FAM131B: variants seen among roughly 807,000 people sequenced by gnomAD.
FAM131B encodes protein FAM131B.
FAM131B carries 19 observed loss-of-function variants against 42.0 expected under a neutral mutation model. The observed-to-expected ratio is 0.45, with a 90% CI of 0.32 to 0.66. FAM131B has a LOEUF of 0.66. FAM131B is among the 30% of genes least tolerant of loss of function. The probability of loss-of-function intolerance (pLI) is 0.05; values close to 1 mark genes in which losing one functional copy is unlikely to be tolerated. For missense variants in FAM131B, 370 were observed against 468.4 expected, an observed-to-expected ratio of 0.79 and a Z score of 1.94; for synonymous variants, 183 against 177.6, an observed-to-expected ratio of 1.03 and a Z score of -0.24.
chr7:143,356,767 G>T lies in FAM131B; in HGVS notation c.866C>A (p.Pro289Gln), dbSNP rs200621437. Residue 289 changes from proline (P) to glutamine (Q), a missense_variant, in exon 7 of 7, where the codon CCG (proline) becomes CAG (glutamine). Pro to Gln is a moderately conservative substitution (Grantham distance 76). Coordinates refer to ENST00000443739, the MANE Select transcript of FAM131B (RefSeq NM_001031690.3). The surrounding 1 kb of genome is among the most constrained non-coding windows in gnomAD (Gnocchi z 4.4). ...PLLGGDTDWAPGVGAVDLARG... is the reference protein window; with the variant it reads ...PLLGGDTDWAQGVGAVDLARG... ...TGCCAGGTCCACTGCGCCTACCCCC[G>T]GAGCCCAGTCAGTGTCTCCCCCCAG... The T allele has an allele frequency of 6.2e-7, 1 of 1,614,088 alleles. No individual in the cohort carries two copies. The highest frequency in any genetic ancestry group is 1.1e-5 in the South Asian group (1 of 91,070).
chr7:143,362,670 C>A lies in FAM131B; in HGVS notation c.-67G>T. On this transcript the variant is annotated 5_prime_UTR_variant, in exon 1 of 7. Transcript: ENST00000443739. The surrounding 1 kb of genome is among the most constrained non-coding windows in gnomAD (Gnocchi z 7.7). ...CGCGCGCCGGGGGGAGCACCGGGAGCCGCGCCGCCGCCCCAGCCGCTCTGC... is the reference window on the plus strand; with the variant it reads ...CGCGCGCCGGGGGGAGCACCGGGAGACGCGCCGCCGCCCCAGCCGCTCTGC... 1.1e-6 allele frequency: 1 copy of A among 897,876 alleles called. No individual in the cohort carries two copies. The allele number at this position is 897,876 out of a possible 1,614,324, so 55.6% of individuals were successfully genotyped here.
the FAM131B span, chr7:143,381,945 C>T: frequency 1.3e-6 from 1 of 751,804 alleles, no homozygotes; most frequent in Non-Finnish European, 2.1e-6. Flanking sequence ...TGGCTGGGAG[C>T]CAGGGCTCCT....
rs779227109 is a variant in FAM131B at position 143,356,793 on chromosome 7, C to G, written c.840G>C (p.Leu280Phe). ...GAGCCCAGTCAGTGTCTCCCCCCAG[C>G]AAAGGTGGAGGCTCCAGAGCAGAGT... ...SGYSALEPPPLLGGDTDWAPG... is the reference protein window; with the variant it reads ...SGYSALEPPPFLGGDTDWAPG... The change falls in exon 7 of 7, where the codon TTG becomes TTC. Residue 280 changes from leucine to phenylalanine, a missense_variant. Coordinates refer to ENST00000443739, the MANE Select transcript of FAM131B (RefSeq NM_001031690.3). The surrounding 1 kb of genome is among the most constrained non-coding windows in gnomAD (Gnocchi z 4.4). The G allele has an allele frequency of 6.2e-7, 1 of 1,614,146 alleles. No homozygotes were observed. Among genetic ancestry groups the G allele is most frequent in the East Asian group, 2.2e-5 (1 of 44,878 alleles).
chr7:143,357,216 G>A (rs4236482), intron 6 of FAM131B, 64 bp downstream of exon 6: 299,268 of 1,527,680 alleles, frequency 0.2, 31,202 homozygotes, highest in East Asian at 0.34. Flanking sequence ...GCTGAGTGGA[G>A]GCAGCTGAGA....
At chr7:143,380,438 G>A in the FAM131B span, 2 of 985,250 alleles carry the variant, frequency 2.0e-6, no homozygotes, top group Non-Finnish European at 2.4e-6. The surrounding 1 kb of genome is among the most constrained non-coding windows in gnomAD (Gnocchi z 5.0). Flanking sequence ...CCGTCGCCCG[G>A]GGTCTCCAAG....
chr7:143,371,942 A>G, the FAM131B span, among the ~76,000 whole-genome samples: 1 of 152,214 alleles, frequency 6.6e-6, no homozygotes, highest in Non-Finnish European at 1.5e-5. Context: ...GTTTGATTTG[A>G]TGTAGGTAGA....
chr7:143,368,089 C>T, the FAM131B span, among the ~76,000 whole-genome samples: 1 of 152,226 alleles, frequency 6.6e-6, no homozygotes, highest in African/African-American at 2.4e-5. Context: ...CAGCGCTTTC[C>T]TGCTGCTTCC....
chr7:143,370,348 C>T, the FAM131B span, among the ~76,000 whole-genome samples: 113 of 152,172 alleles, frequency 7.4e-4, 1 homozygote, highest in African/African-American at 4.3e-4. Flanking sequence ...GCAGCTCACA[C>T]GGGGGGCTCC....
chr7:143,382,285 C>A, the FAM131B span: 2 of 1,612,654 alleles, frequency 1.2e-6, no homozygotes, highest in Non-Finnish European at 1.7e-6. Flanking sequence ...CTGGGGATGG[C>A]GACGATGCAG....
chr7:143,365,384 G>A (rs182667631), upstream of FAM131B, among the ~76,000 whole-genome samples: 1 of 152,282 alleles, frequency 6.6e-6, no homozygotes, highest in Admixed American at 6.5e-5. Context: ...GTCAGAATGA[G>A]AGAGATAGAG....
At chr7:143,371,775 A>G in the FAM131B span, among the ~76,000 whole-genome samples, 5 of 152,148 alleles carry the variant, frequency 3.3e-5, no homozygotes, top group Non-Finnish European at 7.3e-5. Context: ...GGTGATCCAT[A>G]CAGATGTCTG....
At chr7:143,378,154 C>T in the FAM131B span, among the ~76,000 whole-genome samples, 1 of 152,214 alleles carries the variant, frequency 6.6e-6, no homozygotes, top group Non-Finnish European at 1.5e-5. Flanking sequence ...TTCACGTGGT[C>T]CCTGGCCCGT....
rs1228767465 is a variant in FAM131B at position 143,359,268 on chromosome 7, G to C, written c.268+58C>G. On this transcript the variant is annotated intron_variant, in intron 4 of 6. Coordinates refer to ENST00000443739, the MANE Select transcript of FAM131B (RefSeq NM_001031690.3). The surrounding 1 kb of genome is among the most constrained non-coding windows in gnomAD (Gnocchi z 5.4). ...AACCTCGAAGGAGCAGGGAGACTGA[G>C]CCAAGGAGTCTGTCAGCATTATTTT... 1.5e-6 allele frequency: 2 copies of C among 1,369,296 alleles called. No individual in the cohort carries two copies. The highest frequency in any genetic ancestry group is 2.8e-5 in the African/African-American group (2 of 70,356). The allele number at this position is 1,369,296 out of a possible 1,614,324, so 84.8% of individuals were successfully genotyped here. A position where few individuals can be genotyped will look rare whatever the true frequency, so the allele number is the denominator to read the frequency against.
At chr7:143,371,629 A>G in the FAM131B span, among the ~76,000 whole-genome samples, 1 of 151,532 alleles carries the variant, frequency 6.6e-6, no homozygotes, top group Non-Finnish European at 1.5e-5. Context: ...AAAAAAAAAA[A>G]AAAAAAAGAA....
At chr7:143,382,055 C>G in the FAM131B span, 1 of 612,790 alleles carries the variant, frequency 1.6e-6, no homozygotes, top group South Asian at 2.1e-5. Flanking sequence ...GGGAGCTGCA[C>G]CACTCCTCGG....
Position 143,356,830 on chromosome 7 carries a change from G to T in FAM131B, c.803C>A (p.Pro268Gln). Reference sequence around the variant, plus strand: ...CTCCAGAGCAGAGTATCCTGAAGCTGGTTGGGAAGGTCCCATTTCATGCAA... The same window carrying T: ...CTCCAGAGCAGAGTATCCTGAAGCTTGTTGGGAAGGTCCCATTTCATGCAA... ...PSLHEMGPSQ[P>Q]ASGYSALEPP... The change falls in exon 7 of 7, where the codon CCA becomes CAA. Residue 268 changes from proline (P) to glutamine (Q), a missense_variant. Pro to Gln is a moderately conservative substitution (Grantham distance 76, BLOSUM62 -1). Transcript: ENST00000443739. This position sits in a 1 kb window ranked among gnomAD's most constrained non-coding sequence, Gnocchi z 4.4. 1 of 1,614,124 alleles carries T rather than the reference G, an allele frequency of 6.2e-7. No individual in the cohort carries two copies. The highest frequency in any genetic ancestry group is 8.5e-7 in the Non-Finnish European group (1 of 1,180,026).
chr7:143,355,048 G>C lies in FAM131B; in HGVS notation c.*1502C>G, dbSNP rs536910962. 4 of 152,438 alleles carry C rather than the reference G, an allele frequency of 2.6e-5. No individual in the cohort carries two copies. Among genetic ancestry groups the C allele is most frequent in the African/African-American group, 9.7e-5 (4 of 41,450 alleles). The allele number at this position is 152,438 out of a possible 1,614,324, so 9.4% of individuals were successfully genotyped here. ...GTAGGACACAGGCCTGGGAGCCGGA[G>C]CCTTGGAAGGGCGTGAGGAAAGAAG... On this transcript the variant is annotated 3_prime_UTR_variant, in exon 7 of 7. Transcript: ENST00000443739. The surrounding 1 kb of genome is among the most constrained non-coding windows in gnomAD (Gnocchi z 4.1).
At chr7:143,357,541 T>A (rs917610123) in intron 5 of FAM131B, 118 bp from the exon 6 acceptor site, 1 of 742,216 alleles carries the variant, frequency 1.3e-6, no homozygotes, top group African/African-American at 1.8e-5. Flanking sequence ...AAGCCACTTA[T>A]ATCATTTTAA....
chr7:143,359,817 G>A lies in FAM131B; in HGVS notation c.139-50C>T. ...GGGCATCCCAGTCACTCGCAGGAAT[G>A]CAAGGAAGCCCCCTTCCTCAGAGGG... On this transcript the variant is annotated intron_variant, in intron 2 of 6. Transcript: ENST00000443739. The surrounding 1 kb of genome is among the most constrained non-coding windows in gnomAD (Gnocchi z 5.4). 1 of 1,526,418 alleles carries A rather than the reference G, an allele frequency of 6.6e-7. No homozygotes were observed. The highest frequency in any genetic ancestry group is 8.9e-7 in the Non-Finnish European group (1 of 1,125,040). The allele number at this position is 1,526,418 out of a possible 1,614,324, so 94.6% of individuals were successfully genotyped here.
Sources: gnomAD v4.1 joint callset for allele counts (sites outside exome capture counted in the v4.1 genomes callset) on GRCh38, gnomAD v4.1.1 for gene constraint, Gnocchi (gnomAD v3.1) non-coding constraint, MANE v1.5 for transcripts, NCBI Gene and HGNC (gene_info 2026-07-23, HGNC 2026-07-21) for gene names.